Variants in PRKG1 observed in about 807,000 individuals in gnomAD.
The protein encoded by PRKG1 is protein kinase cGMP-dependent 1.
In PRKG1, 35 loss-of-function variants were observed where a neutral mutation model predicts 88.1. The observed-to-expected ratio is 0.40, with a 90% CI of 0.30 to 0.53. The LOEUF is 0.53. Ranked by LOEUF, PRKG1 falls within the 20% of genes least tolerant of loss-of-function variation. The pLI, the probability that PRKG1 is intolerant of heterozygous loss-of-function variation, is 0.59. For missense variants in PRKG1, 540 were observed against 839.8 expected (o/e 0.64, Z 4.41); for synonymous variants, 303 against 292.5 (o/e 1.04, Z -0.37).
intron 1 of PRKG1, among the ~76,000 whole-genome samples, chr10:51,103,410 A>G (rs1844734610): frequency 6.6e-6 from 1 of 152,192 alleles, no homozygotes; most frequent in South Asian, 2.1e-4. Flanking sequence ...ATGACTTTAT[A>G]TTTCTTCGAG....
intron 1 of PRKG1, among the ~76,000 whole-genome samples, chr10:51,004,840 A>G (rs1404264031): frequency 1.3e-5 from 2 of 152,218 alleles, no homozygotes; most frequent in African/African-American, 4.8e-5. Flanking sequence ...AATAACCACA[A>G]GTCCTTCTCT....
At chr10:51,634,503 T>C (rs1232963162) in intron 3 of PRKG1, among the ~76,000 whole-genome samples, 1 of 152,174 alleles carries the variant, frequency 6.6e-6, no homozygotes, top group Admixed American at 6.5e-5. Flanking sequence ...CTGCATGTTC[T>C]TATTCCAAAT....
chr10:52,267,385 A>G (rs1314938674), intron 10 of PRKG1, among the ~76,000 whole-genome samples: 1 of 152,080 alleles, frequency 6.6e-6, no homozygotes, highest in Non-Finnish European at 1.5e-5. Flanking sequence ...AATCAGAATC[A>G]ATTAGAAAGA....
At chr10:51,698,237 A>G in intron 3 of PRKG1, 1 of 1,613,964 alleles carries the variant, frequency 6.2e-7, no homozygotes, top group East Asian at 2.2e-5. Context: ...ACAGGTCTCC[A>G]TTCCTCTCCT....
intron 5 of PRKG1, among the ~76,000 whole-genome samples, chr10:52,030,502 C>T (rs1347562547): frequency 6.6e-6 from 1 of 152,222 alleles, no homozygotes; most frequent in African/African-American, 2.4e-5. Flanking sequence ...GTACTCAATG[C>T]ATTCACATGA....
At chr10:51,707,406 G>A (rs552333767) in intron 3 of PRKG1, among the ~76,000 whole-genome samples, 5 of 152,256 alleles carry the variant, frequency 3.3e-5, no homozygotes, top group Admixed American at 6.5e-5. Context: ...ACTGGCAGAC[G>A]TAGGCCATTT....
intron 2 of PRKG1, among the ~76,000 whole-genome samples, chr10:51,399,395 A>C (rs1221026609): frequency 6.6e-6 from 1 of 152,172 alleles, no homozygotes; most frequent in Non-Finnish European, 1.5e-5. Context: ...CAGTCTAAGA[A>C]ACCTAACAAT....
chr10:52,262,128 T>C (rs990489189), intron 10 of PRKG1, among the ~76,000 whole-genome samples: 7 of 152,182 alleles, frequency 4.6e-5, no homozygotes, highest in Non-Finnish European at 8.8e-5. Flanking sequence ...TCAGTTGTAA[T>C]AGTAAAATAT....
intron 1 of PRKG1, among the ~76,000 whole-genome samples, chr10:51,083,907 AT>A (rs1213904800): frequency 6.6e-6 from 1 of 152,164 alleles, no homozygotes; most frequent in Non-Finnish European, 1.5e-5. Flanking sequence ...TACATTTGTA[AT>A]TTAATCATTA....
At chr10:52,016,099 T>G (rs1043095510) in intron 5 of PRKG1, among the ~76,000 whole-genome samples, 6 of 152,244 alleles carry the variant, frequency 3.9e-5, no homozygotes, top group Non-Finnish European at 7.3e-5. Flanking sequence ...CACTTTCACA[T>G]TTTTAGGCAT....
chr10:51,139,294 T>C (rs1392340252), intron 1 of PRKG1, among the ~76,000 whole-genome samples: 4 of 152,164 alleles, frequency 2.6e-5, no homozygotes. Flanking sequence ...TGAAGCACAA[T>C]ATTCATTTCT....
At chr10:51,576,337 C>G (rs1313717932) in intron 3 of PRKG1, among the ~76,000 whole-genome samples, 7 of 151,802 alleles carry the variant, frequency 4.6e-5, no homozygotes, top group Non-Finnish European at 7.4e-5. Context: ...TCTTACTTTC[C>G]ATGTTGTTAT....
intron 3 of PRKG1, among the ~76,000 whole-genome samples, chr10:51,780,425 A>G (rs1164624595): frequency 6.6e-6 from 1 of 152,098 alleles, no homozygotes; most frequent in Non-Finnish European, 1.5e-5. Context: ...TAAATCACAT[A>G]TTTTTCTGTC....
intron 7 of PRKG1, among the ~76,000 whole-genome samples, chr10:52,066,973 A>G (rs765625829): frequency 1.3e-5 from 2 of 152,080 alleles, no homozygotes; most frequent in Non-Finnish European, 2.9e-5. Context: ...ACATTTTGAT[A>G]TCCTATGCCT....
intron 9 of PRKG1, among the ~76,000 whole-genome samples, chr10:52,188,466 A>G (rs1839278411): frequency 6.6e-6 from 1 of 151,108 alleles, no homozygotes; most frequent in Non-Finnish European, 1.5e-5. Flanking sequence ...CTCCGACCTC[A>G]CTCAGGCTTC....
chr10:51,757,647 A>C (rs1024648820), intron 3 of PRKG1, among the ~76,000 whole-genome samples: 10 of 152,112 alleles, frequency 6.6e-5, no homozygotes, highest in African/African-American at 2.4e-4. Flanking sequence ...GACTAGTCTG[A>C]ATTGAGATGT....
chr10:51,078,330 C>A lies in PRKG1; in HGVS notation c.311+3429C>A, dbSNP rs1589136194. On this transcript the variant is annotated intron_variant, in intron 1 of 17. Coordinates refer to ENST00000373980, the MANE Select transcript of PRKG1 (RefSeq NM_006258.4). ...GCCTCCAGGGTTCAAGCAACTCTCC[C>A]ATCGCAGCCTCCTGAGTGGCTGGGA... 2.0e-5 allele frequency among the ~76,000 whole-genome samples: 3 copies of A among 151,504 alleles called. No homozygotes were observed. The East Asian group carries it at 5.8e-4, about 29-fold the overall frequency.
chr10:52,113,972 A>C (rs1847627734), intron 7 of PRKG1, among the ~76,000 whole-genome samples: 1 of 151,310 alleles, frequency 6.6e-6, no homozygotes, highest in South Asian at 2.1e-4. Flanking sequence ...GTTACTGCAG[A>C]GAAAATGTTA....
chr10:51,674,969 G>C lies in PRKG1; in HGVS notation c.593-129616G>C, dbSNP rs1239030788. 2.0e-5 allele frequency among the ~76,000 whole-genome samples: 3 copies of C among 152,094 alleles called. No homozygotes were observed. The East Asian group carries it at 5.8e-4, about 29-fold the overall frequency. Reference sequence around the variant, plus strand: ...GCAGGATTTTAACTACTCCAAGGCTGGCTTTATGTTTATTCAAACTTTTTT... The same window carrying C: ...GCAGGATTTTAACTACTCCAAGGCTCGCTTTATGTTTATTCAAACTTTTTT... On this transcript the variant is annotated intron_variant, in intron 3 of 17. Coordinates refer to ENST00000373980, the MANE Select transcript of PRKG1 (RefSeq NM_006258.4).
Sources: gnomAD v4.1 joint callset for allele counts (sites outside exome capture counted in the v4.1 genomes callset) on GRCh38, gnomAD v4.1.1 for gene constraint, MANE v1.5 for transcripts, NCBI Gene and HGNC (gene_info 2026-07-23, HGNC 2026-07-21) for gene names.